L3MBTL1: variants seen among roughly 807,000 people sequenced by gnomAD.
L3MBTL1 encodes the protein lethal(3)malignant brain tumor-like protein 1.
Under a neutral mutation model 105.3 loss-of-function variants are expected in L3MBTL1, and 75 were observed. The observed-to-expected ratio is 0.71, with a 90% CI of 0.59 to 0.86. L3MBTL1 has a LOEUF of 0.86. L3MBTL1 is among the 40% of genes least tolerant of loss of function. L3MBTL1 has a pLI of 0.00. For missense variants in L3MBTL1, 1,069 were observed against 1,126.4 expected (o/e 0.95, Z 0.73); for synonymous variants, 452 against 436.2 (o/e 1.04, Z -0.45).
In L3MBTL1 at chr20:43,534,273, C is replaced by T. The variant is rs774966672; in HGVS notation, c.1600-11C>T. On this transcript the variant is annotated splice_polypyrimidine_tract_variant and intron_variant, in intron 14 of 21. Transcript: ENST00000418998. ...TGCGCCTTGCCCTGAAGGCAGCTGT[C>T]CCCTCTGCAGCGACCCCCTCACAGC... 1 of 1,611,076 alleles carries T rather than the reference C, an allele frequency of 6.2e-7. No individual in the cohort carries two copies. The highest frequency in any genetic ancestry group is 1.1e-5 in the South Asian group (1 of 90,934).
chr20:43,536,139 A>T lies in L3MBTL1; in HGVS notation c.1968A>T (p.Thr656=). 6.2e-7 allele frequency: 1 copy of T among 1,613,792 alleles called. No homozygotes were observed. Among genetic ancestry groups the T allele is most frequent in the Non-Finnish European group, 8.5e-7 (1 of 1,180,034 alleles). The change falls in exon 18 of 22, where the codon ACA becomes ACT. Residue 656 remains threonine, a synonymous_variant. Transcript: ENST00000418998. ...GTTGCGACGGCTCTGGCCATGTCAC[A>T]GGCAAGTTCACAGCTCACCATTGCC... ...TPGCDGSGHV[T]GKFTAHHCLS...
intron 18 of L3MBTL1, among the ~76,000 whole-genome samples, chr20:43,547,135 C>G (rs562360246): frequency 7.3e-6 from 1 of 136,240 alleles, no homozygotes; most frequent in Non-Finnish European, 1.5e-5. Flanking sequence ...GACGGAGTCT[C>G]GCTCTGTCGC....
chr20:43,522,922 G>A (rs897277206), intron 7 of L3MBTL1, among the ~76,000 whole-genome samples: 27 of 150,816 alleles, frequency 1.8e-4, no homozygotes, highest in Non-Finnish European at 4.0e-4. Context: ...GGTTAACATG[G>A]CGAACCCCGT....
In L3MBTL1 at chr20:43,514,670, G is replaced by A. The variant is rs1253424675; in HGVS notation, c.396G>A (p.Ala132=). The stretch of plus-strand genomic sequence containing the variant: ...GCGAGTATAAGCCGCTGAACATGGC[G>A]GGAGTGGAGCAGCCCCCGAGCCCCG... The part of the protein sequence containing the change: ...RISEYKPLNM[A]GVEQPPSPEL... The change falls in exon 4 of 22, where the codon GCG becomes GCA. Residue 132 remains alanine, a synonymous_variant. Transcript: ENST00000418998. 5.7e-6 allele frequency: 9 copies of A among 1,591,882 alleles called. No individual in the cohort carries two copies. The highest frequency in any genetic ancestry group is 1.8e-5 in the Admixed American group (1 of 55,990).
rs146114349 is a variant in L3MBTL1 at position 43,524,838 on chromosome 20, T to C, written c.863-3819T>C. 5.4e-3 allele frequency among the ~76,000 whole-genome samples: 821 copies of C among 152,208 alleles called. 5 individuals carry two copies. Among genetic ancestry groups the C allele is most frequent in the Non-Finnish European group, 7.7e-3 (521 of 68,000 alleles). ...GAAATGCATGATGAAGCTGGCATGA[T>C]GGGGAGTAGCTAGTTCACCAAGGCT... On this transcript the variant is annotated intron_variant, in intron 7 of 21. Coordinates refer to ENST00000418998, the MANE Select transcript of L3MBTL1 (RefSeq NM_001377303.1).
In L3MBTL1 at chr20:43,530,640, G is replaced by T. The variant is rs961078944; in HGVS notation, c.1193-158G>T. 6 of 801,434 alleles carry T rather than the reference G, an allele frequency of 7.5e-6. No homozygotes were observed. In the African/African-American group the frequency reaches 1.0e-4, roughly 14 times the overall value. The allele number at this position is 801,434 out of a possible 1,614,324, so 49.6% of individuals were successfully genotyped here. On this transcript the variant is annotated intron_variant, in intron 10 of 21. Coordinates refer to ENST00000418998, the MANE Select transcript of L3MBTL1 (RefSeq NM_001377303.1). ...ACTTGCCCTTTGAGTGTCTACTCAA[G>T]TCGTGTCCTGCTTCAGTAGTGGGGA...
intron 13 of L3MBTL1, among the ~76,000 whole-genome samples, 181 bp downstream of exon 13, chr20:43,533,599 C>T (rs1010635246): frequency 2.0e-5 from 3 of 152,160 alleles, no homozygotes; most frequent in African/African-American, 4.8e-5. Flanking sequence ...TTAGGAGACT[C>T]CTGTCAAACC....
chr20:43,535,018 T>C lies in L3MBTL1; in HGVS notation c.1825+76T>C, dbSNP rs537380698. 774 of 1,002,212 alleles carry C rather than the reference T, an allele frequency of 7.7e-4. 1 individual carries two copies. Among genetic ancestry groups the C allele is most frequent in the Non-Finnish European group, 1.0e-3 (685 of 680,810 alleles). The allele number at this position is 1,002,212 out of a possible 1,614,324, so 62.1% of individuals were successfully genotyped here. On this transcript the variant is annotated intron_variant, in intron 16 of 21. Transcript: ENST00000418998. ...CAATCCTATAGTTTGCCTACAGAGC[T>C]CTGACTCCCCATGCCCAAATATGAC...
At chr20:43,536,378 C>T in intron 18 of L3MBTL1, 31 bp from the exon 19 acceptor site, 1 of 1,613,860 alleles carries the variant, frequency 6.2e-7, no homozygotes, top group Non-Finnish European at 8.5e-7. Flanking sequence ...ACACTGATTC[C>T]CTGCCATGGA....
rs780872220 is a variant in L3MBTL1 at position 43,536,342 on chromosome 20, C to T, written c.2123+48C>T. 72 of 1,611,748 alleles carry T rather than the reference C, an allele frequency of 4.5e-5. 1 individual carries two copies. In the South Asian group the frequency reaches 7.8e-4, roughly 17 times the overall value. On this transcript the variant is annotated intron_variant, in intron 18 of 21. Transcript: ENST00000418998. ...GCCCGGGCTTCCTGGGGGTGTGGGG[C>T]CTTGTAGCCTCTTGGACTGGGCCAG...
intron 18 of L3MBTL1, 25 bp downstream of exon 18, chr20:43,536,319 C>T (rs2019615825): frequency 6.2e-7 from 1 of 1,611,978 alleles, no homozygotes; most frequent in African/African-American, 1.3e-5. Flanking sequence ...GAATCAGGGC[C>T]CGGGCTTCCT....
intron 18 of L3MBTL1, among the ~76,000 whole-genome samples, chr20:43,547,199 G>A (rs1978667013): frequency 6.6e-6 from 1 of 151,202 alleles, no homozygotes; most frequent in Non-Finnish European, 1.5e-5. Flanking sequence ...CCGCCTCCCG[G>A]GTTCACGCCA....
At chr20:43,526,976 T>C (rs779075322) in intron 7 of L3MBTL1, among the ~76,000 whole-genome samples, 4 of 151,794 alleles carry the variant, frequency 2.6e-5, no homozygotes, top group African/African-American at 4.8e-5. Flanking sequence ...AAAAAACAGG[T>C]GCCTCTAGCC....
chr20:43,515,465 C>T (rs748247182), intron 6 of L3MBTL1, 50 bp downstream of exon 6: 21 of 1,529,556 alleles, frequency 1.4e-5, no homozygotes, highest in Middle Eastern at 3.5e-4. Context: ...GCCTATGCCT[C>T]AATTCCCACT....
Position 43,540,303 on chromosome 20 carries a change from G to C in L3MBTL1, c.2326G>C (p.Asp776His). The C allele has an allele frequency of 6.2e-7, 1 of 1,613,496 alleles. No individual in the cohort carries two copies. The highest frequency in any genetic ancestry group is 1.7e-5 in the Admixed American group (1 of 60,022). ...SASTVAKWTIDEVFGFVQTLT... is the reference protein window; with the variant it reads ...SASTVAKWTIHEVFGFVQTLT... ...CTCGACAGTCGCCAAGTGGACCATC[G>C]ATGAGGTGAGGAGCGAGGGCCCTTC... Residue 776 changes from aspartate (D) to histidine (H), a missense_variant, in exon 20 of 22, where the codon GAT becomes CAT. Transcript: ENST00000418998.
chr20:43,528,818 T>C, intron 8 of L3MBTL1, 73 bp downstream of exon 8: 2 of 1,114,194 alleles, frequency 1.8e-6, no homozygotes, highest in Non-Finnish European at 2.7e-6. Flanking sequence ...CCTCAGGCCT[T>C]CTGGCGTTTT....
At chr20:43,510,126 A>T (rs1191279656) in intron 1 of L3MBTL1, among the ~76,000 whole-genome samples, 1 of 152,158 alleles carries the variant, frequency 6.6e-6, no homozygotes, top group Non-Finnish European at 1.5e-5. Flanking sequence ...AAGTGTTGGG[A>T]TTACAGGTGT....
At chr20:43,536,932 C>T (rs754127362) in intron 19 of L3MBTL1, among the ~76,000 whole-genome samples, 46 of 152,226 alleles carry the variant, frequency 3.0e-4, no homozygotes, top group Admixed American at 2.0e-3. Flanking sequence ...GCTTACTGAG[C>T]ATCTACTATG....
chr20:43,528,081 C>T (rs566195023), intron 7 of L3MBTL1, among the ~76,000 whole-genome samples: 18 of 152,108 alleles, frequency 1.2e-4, no homozygotes, highest in Non-Finnish European at 1.9e-4. Flanking sequence ...TTAGTGGAGA[C>T]GGGGTTTCAC....
Sources: gnomAD v4.1 joint callset for allele counts (sites outside exome capture counted in the v4.1 genomes callset) on GRCh38, gnomAD v4.1.1 for gene constraint, MANE v1.5 for transcripts, NCBI Gene and HGNC (gene_info 2026-07-23, HGNC 2026-07-21) for gene names.